The following DAPK2 variants were observed in gnomAD, a reference collection of about 807,000 sequenced individuals.
DAPK2 encodes the protein death-associated protein kinase 2.
A neutral mutation model predicts 44.1 loss-of-function variants in DAPK2; 35 were observed. That is an observed-to-expected ratio of 0.79 (90% CI 0.61 to 1.05). The LOEUF (loss-of-function observed/expected upper bound fraction) is 1.05, where lower values mean the gene tolerates loss of function less well. Ranked by LOEUF, DAPK2 falls within the 50% of genes least tolerant of loss-of-function variation. The probability of loss-of-function intolerance (pLI) is 0.00; values close to 1 mark genes in which losing one functional copy is unlikely to be tolerated. For missense variants in DAPK2, 453 were observed against 483.2 expected, an observed-to-expected ratio of 0.94 and a Z score of 0.59; for synonymous variants, 174 against 182.6, an observed-to-expected ratio of 0.95 and a Z score of 0.38.
chr15:64,015,532 C>T (rs191613238), intron 1 of DAPK2, among the ~76,000 whole-genome samples: 33 of 152,276 alleles, frequency 2.2e-4, no homozygotes, highest in African/African-American at 7.5e-4. Flanking sequence ...TAGTGGCTCC[C>T]TAAAATATAT....
At chr15:63,973,921 C>T (rs1595832095) in intron 2 of DAPK2, among the ~76,000 whole-genome samples, 2 of 152,296 alleles carry the variant, frequency 1.3e-5, no homozygotes, top group East Asian at 1.9e-4. Context: ...AAGAAGCAGA[C>T]TGAGCAAGAC....
intron 1 of DAPK2, among the ~76,000 whole-genome samples, chr15:63,992,762 G>C (rs550747401): frequency 2.0e-5 from 3 of 152,156 alleles, no homozygotes; most frequent in Non-Finnish European, 4.4e-5. Context: ...GGGACCAGTC[G>C]GGCTCAGTTG....
chr15:63,966,929 C>T lies in DAPK2; in HGVS notation c.453+4494G>A, dbSNP rs759680604. ...GGCGCAGTGGCTCACACCTGTAATC[C>T]CAGCACTTTGGGAGGCCGAGGTGGG... On this transcript the variant is annotated intron_variant, in intron 3 of 10. Coordinates refer to ENST00000261891, the Ensembl canonical transcript of DAPK2. This position sits in a 1 kb window ranked among gnomAD's most constrained non-coding sequence, Gnocchi z 5.5. Among the ~76,000 whole-genome samples the T allele has an allele frequency of 1.6e-4, 25 of 152,146 alleles. No individual in the cohort carries two copies. Among genetic ancestry groups the T allele is most frequent in the Non-Finnish European group, 3.2e-4 (22 of 68,016 alleles).
chr15:64,008,552 C>A (rs894849232), intron 1 of DAPK2, among the ~76,000 whole-genome samples: 3 of 152,170 alleles, frequency 2.0e-5, no homozygotes, highest in African/African-American at 7.2e-5. Context: ...AAGCATTCTC[C>A]ACTAAGGAAC....
Position 63,908,548 on chromosome 15 carries a change from TG to T in DAPK2, c.1084del (p.His362ThrfsTer44), listed in dbSNP as rs2146447630. ...GGAGGTGCTGCTCCTCCTCCGTGGG[TG>T]GAGGGCTTTCCTCCTGGCGATGTCC... On this transcript the variant is annotated frameshift_variant, in exon 11 of 11. Coordinates refer to ENST00000261891, the Ensembl canonical transcript of DAPK2. LOFTEE classifies it high-confidence loss of function. This position sits in a 1 kb window ranked among gnomAD's most constrained non-coding sequence, Gnocchi z 5.7. 1 of 1,600,856 alleles carries T rather than the reference TG, an allele frequency of 6.2e-7. No homozygotes were observed. The highest frequency in any genetic ancestry group is 8.5e-7 in the Non-Finnish European group (1 of 1,174,968).
chr15:64,033,207 C>T (rs2080066813), intron 1 of DAPK2, among the ~76,000 whole-genome samples: 1 of 148,780 alleles, frequency 6.7e-6, no homozygotes, highest in East Asian at 2.0e-4. Flanking sequence ...CTGCAATGAG[C>T]CATGACTGAA....
At chr15:63,999,547 A>G (rs917023042) in intron 1 of DAPK2, among the ~76,000 whole-genome samples, 1 of 152,198 alleles carries the variant, frequency 6.6e-6, no homozygotes, top group African/African-American at 2.4e-5. Flanking sequence ...AGGATTTCCA[A>G]ACTTGCTCCA....
rs1167190578 is a variant in DAPK2, at chr15:64,046,113, C to A, written c.-7+185G>T. 6.6e-6 allele frequency among the ~76,000 whole-genome samples: 1 copy of A among 151,966 alleles called. No individual in the cohort carries two copies. Among genetic ancestry groups the A allele is most frequent in the Non-Finnish European group, 1.5e-5 (1 of 67,936 alleles). ...GGCGCCCCAGGGCAGCGGCGGGCAG[C>A]TCCCGCGCTCGGGTGCCGGCCACAA... On this transcript the variant is annotated intron_variant, in intron 1 of 11. Transcript: ENST00000457488. The surrounding 1 kb of genome is among the most constrained non-coding windows in gnomAD (Gnocchi z 5.3).
chr15:63,961,564 T>C (rs2077901827), intron 3 of DAPK2, among the ~76,000 whole-genome samples: 1 of 152,148 alleles, frequency 6.6e-6, no homozygotes, highest in Non-Finnish European at 1.5e-5. Flanking sequence ...TCAGCATTTG[T>C]TTGTCTGTAA....
At chr15:64,003,570 T>C (rs535806833) in intron 1 of DAPK2, among the ~76,000 whole-genome samples, 15 of 152,154 alleles carry the variant, frequency 9.9e-5, no homozygotes, top group African/African-American at 3.4e-4. Flanking sequence ...GGGTCTTAAG[T>C]TTCTTTTCTT....
intron 1 of DAPK2, among the ~76,000 whole-genome samples, chr15:63,998,360 G>C (rs1182526190): frequency 6.6e-6 from 1 of 152,184 alleles, no homozygotes; most frequent in Non-Finnish European, 1.5e-5. Context: ...GCAGGTCCAG[G>C]CTTTCCCTCT....
intron 1 of DAPK2, among the ~76,000 whole-genome samples, chr15:64,016,349 T>C (rs61471532): frequency 2.6e-5 from 4 of 152,206 alleles, no homozygotes; most frequent in Non-Finnish European, 5.9e-5. Flanking sequence ...TGTAGTTCAG[T>C]GGAAATTGTT....
chr15:64,015,242 A>C (rs1014381701), intron 1 of DAPK2, among the ~76,000 whole-genome samples: 29 of 152,204 alleles, frequency 1.9e-4, no homozygotes, highest in Non-Finnish European at 2.9e-5. Flanking sequence ...CTTATGCCAC[A>C]CAGGACAACG....
chr15:63,986,132 T>C (rs72752989), intron 1 of DAPK2, among the ~76,000 whole-genome samples: 4,878 of 152,312 alleles, frequency 0.032, 120 homozygotes, highest in Non-Finnish European at 0.048. Flanking sequence ...CCCCCACTCC[T>C]TGGGCTGTTT....
chr15:64,021,327 T>C (rs1227968470), intron 1 of DAPK2, among the ~76,000 whole-genome samples: 1 of 152,208 alleles, frequency 6.6e-6, no homozygotes, highest in East Asian at 1.9e-4. Context: ...GTTGCTGGGA[T>C]GTCAAGCAGC....
At chr15:63,922,137 T>C (rs1319660198) in intron 8 of DAPK2, 2 of 243,072 alleles carry the variant, frequency 8.2e-6, no homozygotes, top group African/African-American at 2.3e-5. Context: ...ATCAGTTACA[T>C]GTAAATAATA....
intron 4 of DAPK2, among the ~76,000 whole-genome samples, chr15:63,937,481 A>G (rs2077193468): frequency 6.6e-6 from 1 of 152,184 alleles, no homozygotes; most frequent in African/African-American, 2.4e-5. Context: ...TGGAGTGGAC[A>G]GTGACTTGTC....
rs1425682168 is a variant in DAPK2 at position 63,925,955 on chromosome 15, C to T, written c.798G>A (p.Leu266=). 8 of 1,614,028 alleles carry T rather than the reference C, an allele frequency of 5.0e-6. No individual in the cohort carries two copies. In the African/African-American group the frequency reaches 8.0e-5, roughly 16 times the overall value. The change falls in exon 7 of 11, where the codon CTG becomes CTA. Residue 266 remains leucine (L), a synonymous_variant. Transcript: ENST00000261891. The stretch of plus-strand genomic sequence containing the variant: ...TGTCCTCTTACCGGGTCTCTTTAAC[C>T]AGAAGCTTCCGAATAAAGTCCTTGG...
At position 64,013,109 on chromosome 15, in the gene DAPK2, C is replaced by A. The variant is rs2079430932; in HGVS notation, c.92+27061G>T. ...GCCTGAGACCCCTGCCACCCCAGAC[C>A]CCCAGACAACCCATAAGGTGGCAAC... is the stretch of plus-strand genomic sequence containing the variant. On this transcript the variant is annotated intron_variant, in intron 1 of 10. Coordinates refer to ENST00000261891, the Ensembl canonical transcript of DAPK2. This position sits in a 1 kb window ranked among gnomAD's most constrained non-coding sequence, Gnocchi z 4.7. Among the ~76,000 whole-genome samples, 1 of 152,194 alleles carries A rather than the reference C, an allele frequency of 6.6e-6. No individual in the cohort carries two copies. The highest frequency in any genetic ancestry group is 2.1e-4 in the South Asian group (1 of 4,826).
Sources: allele counts gnomAD v4.1 joint callset (sites outside exome capture counted in the v4.1 genomes callset), GRCh38; gene constraint gnomAD v4.1.1; non-coding constraint Gnocchi (gnomAD v3.1); transcripts MANE v1.5; gene names NCBI Gene and HGNC (gene_info 2026-07-23, HGNC 2026-07-21).